Variants in EYS observed in about 807,000 individuals in gnomAD.
EYS encodes protein eyes shut homolog.
A neutral mutation model predicts 282.1 loss-of-function variants in EYS; 250 were observed. That is an observed-to-expected ratio of 0.89 (90% CI 0.80 to 0.98). The LOEUF is 0.98. Among genes scored for constraint, EYS ranks in the 50% least tolerant of loss-of-function variants. EYS has a pLI of 0.00. For synonymous variants in EYS, 1,355 were observed against 1,282.9 expected (o/e 1.06, Z -1.20); for missense variants, 4,016 against 3,709.0 (o/e 1.08, Z -2.15).
At chr6:64,905,867 T>A (rs1350895971) in intron 16 of EYS, among the ~76,000 whole-genome samples, 1 of 151,926 alleles carries the variant, frequency 6.6e-6, no homozygotes, top group Non-Finnish European at 1.5e-5. Flanking sequence ...TGAATGTAAA[T>A]AGGGAAAAAA....
At chr6:64,311,017 TTTTTGA>T (rs1246547893) in intron 29 of EYS, among the ~76,000 whole-genome samples, 2 of 151,996 alleles carry the variant, frequency 1.3e-5, no homozygotes, top group African/African-American at 4.8e-5. Context: ...GTAGATACTG[TTTTTGA>T]TTTTTATTTA....
At position 65,390,652 on chromosome 6, in the gene EYS, G is replaced by A. The variant is rs1582228899; in HGVS notation, c.1185-6152C>T. ...TAATCCCAGCACTTTGGGAGGCTGA[G>A]GCAGGAGGATCGCTTGACTCCAAGA... On this transcript the variant is annotated intron_variant, in intron 7 of 42. Coordinates refer to ENST00000503581, the MANE Select transcript of EYS (RefSeq NM_001142800.2). 1.3e-5 allele frequency among the ~76,000 whole-genome samples: 2 copies of A among 152,174 alleles called. 1 individual carries two copies.
At chr6:65,166,717 A>C (rs1764981663) in intron 12 of EYS, among the ~76,000 whole-genome samples, 1 of 151,164 alleles carries the variant, frequency 6.6e-6, no homozygotes, top group South Asian at 2.1e-4. Flanking sequence ...AACATATTTT[A>C]TGTTTCAAAG....
At chr6:65,490,739 T>C in intron 4 of EYS, 32 bp from the exon 5 acceptor site, 1 of 1,118,832 alleles carries the variant, frequency 8.9e-7, no homozygotes, top group Non-Finnish European at 1.4e-6. Context: ...TTTTTTACAT[T>C]GGATATCAAT....
intron 12 of EYS, among the ~76,000 whole-genome samples, chr6:65,136,993 T>G (rs1424243433): frequency 6.6e-6 from 1 of 152,106 alleles, no homozygotes; most frequent in Non-Finnish European, 1.5e-5. Context: ...ATTTATTTCT[T>G]TTTTAATTCA....
intron 16 of EYS, among the ~76,000 whole-genome samples, chr6:64,909,367 G>T (rs187573876): frequency 1.4e-3 from 211 of 152,106 alleles, no homozygotes; most frequent in African/African-American, 4.8e-3. Flanking sequence ...AATAATCAAA[G>T]CTAACACTAT....
chr6:64,909,994 C>A (rs996167582), intron 16 of EYS, among the ~76,000 whole-genome samples: 1 of 152,052 alleles, frequency 6.6e-6, no homozygotes, highest in Non-Finnish European at 1.5e-5. Context: ...TAGTGAGAGA[C>A]CCTACAGACT....
intron 13 of EYS, among the ~76,000 whole-genome samples, chr6:65,027,437 T>C (rs1044608984): frequency 1.3e-5 from 2 of 152,198 alleles, no homozygotes; most frequent in African/African-American, 4.8e-5. Flanking sequence ...TGTTTTTAAT[T>C]TGTGTACAAT....
chr6:63,727,737 A>AATATATATATATATATATATATAT (rs70999122), intron 41 of EYS, among the ~76,000 whole-genome samples: 49 of 36,696 alleles, frequency 1.3e-3, no homozygotes, highest in African/African-American at 3.5e-3. Context: ...AAAAAAAAAA[A>AATATATATATATATATATATATAT]ATATATATAT....
intron 2 of EYS, among the ~76,000 whole-genome samples, chr6:65,579,027 C>T (rs899555281): frequency 6.6e-6 from 1 of 152,054 alleles, no homozygotes; most frequent in Non-Finnish European, 1.5e-5. Context: ...CAAAAGAAAA[C>T]ACATTTTGTC....
At chr6:64,473,807 A>G (rs927249064) in intron 26 of EYS, among the ~76,000 whole-genome samples, 1 of 152,182 alleles carries the variant, frequency 6.6e-6, no homozygotes, top group Admixed American at 6.5e-5. Context: ...TGTCGTCAAC[A>G]TGATTTTAGA....
chr6:65,619,553 A>C (rs1248782097), intron 2 of EYS, among the ~76,000 whole-genome samples: 4 of 152,148 alleles, frequency 2.6e-5, no homozygotes, highest in East Asian at 3.9e-4. Context: ...ATTTCCTTCC[A>C]CTGCCTAATT....
chr6:64,477,182 A>G (rs768431152), intron 26 of EYS, among the ~76,000 whole-genome samples: 2 of 152,004 alleles, frequency 1.3e-5, no homozygotes, highest in African/African-American at 2.4e-5. Context: ...TTTGTTTTTG[A>G]TTCTTCAATG....
Position 64,151,357 on chromosome 6 carries a change from AT to A in EYS, c.6425-69356del, listed in dbSNP as rs1440751744. Among the ~76,000 whole-genome samples, 10 of 89,592 alleles carry A rather than the reference AT, an allele frequency of 1.1e-4. No homozygotes were observed. The South Asian group carries it at 1.2e-3, about 11-fold the overall frequency. The allele number at this position is 89,592 out of a possible 152,430, so 58.8% of individuals were successfully genotyped here. ...TATATATATATATATATATATATAT[AT>A]ATATAATTTTTTTTTTCTTTTGAGA... On this transcript the variant is annotated intron_variant, in intron 31 of 42. Coordinates refer to ENST00000503581, the MANE Select transcript of EYS (RefSeq NM_001142800.2).
chr6:65,622,056 A>C lies in EYS; in HGVS notation c.-333+17722T>G, dbSNP rs562332920. Among the ~76,000 whole-genome samples the C allele has an allele frequency of 4.6e-5, 7 of 152,274 alleles. No individual in the cohort carries two copies. In the East Asian group the frequency reaches 1.4e-3, roughly 29 times the overall value. On this transcript the variant is annotated intron_variant, in intron 2 of 42. Coordinates refer to ENST00000503581, the MANE Select transcript of EYS (RefSeq NM_001142800.2). ...CAAGCACAAGACAGAGATGTCTATA[A>C]ATTTAACTGAACAACTTTTCCAGTT...
At chr6:64,322,119 A>C (rs1419157623) in intron 29 of EYS, among the ~76,000 whole-genome samples, 1 of 152,026 alleles carries the variant, frequency 6.6e-6, no homozygotes, top group Non-Finnish European at 1.5e-5. Context: ...GCACAGGGTC[A>C]CCATATATGG....
chr6:64,126,629 GCTT>G (rs1407037955), intron 31 of EYS, among the ~76,000 whole-genome samples: 6 of 152,110 alleles, frequency 3.9e-5, no homozygotes, highest in Non-Finnish European at 8.8e-5. Flanking sequence ...AGCTCTATCA[GCTT>G]CTTCACACTT....
At chr6:65,517,014 C>T (rs184501564) in intron 2 of EYS, among the ~76,000 whole-genome samples, 378 of 151,950 alleles carry the variant, frequency 2.5e-3, no homozygotes, top group African/African-American at 8.8e-3. Context: ...GATAATAGCT[C>T]TATTATTTAT....
chr6:65,594,888 C>A (rs951435080), intron 2 of EYS, among the ~76,000 whole-genome samples: 1 of 152,052 alleles, frequency 6.6e-6, no homozygotes. Flanking sequence ...ATATGGCTAG[C>A]CAGTTTTCCC....
Sources: gnomAD v4.1 joint callset for allele counts (sites outside exome capture counted in the v4.1 genomes callset) on GRCh38, gnomAD v4.1.1 for gene constraint, MANE v1.5 for transcripts, NCBI Gene and HGNC (gene_info 2026-07-23, HGNC 2026-07-21) for gene names.